ADAM22: variants seen among roughly 807,000 people sequenced by gnomAD.
ADAM22 encodes the protein ADAM metallopeptidase domain 22, also known as disintegrin and metalloproteinase domain-containing protein 22.
A neutral mutation model predicts 144.6 loss-of-function variants in ADAM22; 65 were observed. The observed-to-expected ratio is 0.45, with a 90% CI of 0.37 to 0.55. ADAM22 has a LOEUF of 0.55. ADAM22 is among the 20% of genes least tolerant of loss of function. The pLI is 0.00. For missense variants in ADAM22, 974 were observed against 1,184.9 expected (o/e 0.82, Z 2.61); for synonymous variants, 391 against 412.6 (o/e 0.95, Z 0.63).
intron 3 of ADAM22, among the ~76,000 whole-genome samples, chr7:87,983,708 C>CT (rs528332544): frequency 2.9e-4 from 44 of 151,030 alleles, no homozygotes; most frequent in South Asian, 1.3e-3. Flanking sequence ...GCATTTTTAT[C>CT]TTTTTTTTTG....
At chr7:88,190,537 AAAAAT>A (rs545615522) in intron 30 of ADAM22, among the ~76,000 whole-genome samples, 2 of 152,124 alleles carry the variant, frequency 1.3e-5, no homozygotes, top group Non-Finnish European at 2.9e-5. Flanking sequence ...CTCCATCTCA[AAAAAT>A]AAAATAAAAT....
In ADAM22 at chr7:88,060,766, C is replaced by CAA. The variant is rs72497035; in HGVS notation, c.324-14846_324-14845dup. On this transcript the variant is annotated intron_variant, in intron 3 of 31. Transcript: ENST00000413139. ...TGGGCGACAGAATGAGACTCCATCT[C>CAA]AAAAAAAAAAAAAAACAAAAAACAC... Among the ~76,000 whole-genome samples, 572 of 76,314 alleles carry CAA rather than the reference C, an allele frequency of 7.5e-3. 12 individuals carry two copies. The highest frequency in any genetic ancestry group is 0.025 in the African/African-American group (538 of 21,798). The allele number at this position is 76,314 out of a possible 152,430, so 50.1% of individuals were successfully genotyped here.
At chr7:88,017,107 A>G (rs979799571) in intron 3 of ADAM22, among the ~76,000 whole-genome samples, 1 of 152,216 alleles carries the variant, frequency 6.6e-6, no homozygotes, top group Non-Finnish European at 1.5e-5. Flanking sequence ...TGACAGGCCT[A>G]GGTAACAGAG....
At chr7:88,056,323 A>T (rs1299406818) in intron 3 of ADAM22, among the ~76,000 whole-genome samples, 1 of 152,184 alleles carries the variant, frequency 6.6e-6, no homozygotes, top group African/African-American at 2.4e-5. Context: ...TGAGAAGAAT[A>T]TGTCAGTGAT....
intron 2 of ADAM22, among the ~76,000 whole-genome samples, chr7:87,946,751 A>G (rs570461526): frequency 3.3e-5 from 5 of 152,318 alleles, no homozygotes; most frequent in Admixed American, 1.3e-4. Context: ...AAAAAGACAC[A>G]TGCACTCATG....
intron 2 of ADAM22, among the ~76,000 whole-genome samples, chr7:87,944,823 T>TG (rs1394590153): frequency 2.0e-5 from 3 of 151,360 alleles, no homozygotes; most frequent in African/African-American, 7.3e-5. Flanking sequence ...TGTGTTTTTT[T>TG]TTTTTTTGTT....
At chr7:88,078,759 G>A (rs1284835856) in intron 4 of ADAM22, among the ~76,000 whole-genome samples, 1 of 152,268 alleles carries the variant, frequency 6.6e-6, no homozygotes, top group Non-Finnish European at 1.5e-5. Context: ...GATGGAAGAT[G>A]AAATGAATGA....
intron 4 of ADAM22, among the ~76,000 whole-genome samples, chr7:88,086,953 A>G (rs1307411980): frequency 6.6e-6 from 1 of 152,204 alleles, no homozygotes; most frequent in Non-Finnish European, 1.5e-5. Flanking sequence ...GTATGATGTG[A>G]TAGTCACATA....
intron 2 of ADAM22, among the ~76,000 whole-genome samples, chr7:87,938,489 GATT>G (rs1841808387): frequency 6.6e-6 from 1 of 151,830 alleles, no homozygotes; most frequent in East Asian, 1.9e-4. Context: ...AAAGTGCTGG[GATT>G]ACAAACATGA....
intron 4 of ADAM22, among the ~76,000 whole-genome samples, chr7:88,085,401 A>G (rs867048800): frequency 6.6e-6 from 1 of 152,216 alleles, no homozygotes; most frequent in East Asian, 1.9e-4. Flanking sequence ...TTTGGTAAAG[A>G]ATACATTTTT....
chr7:88,072,327 T>C (rs1428814672), intron 3 of ADAM22, among the ~76,000 whole-genome samples: 1 of 152,206 alleles, frequency 6.6e-6, no homozygotes, highest in Non-Finnish European at 1.5e-5. Context: ...ATTTTATAAT[T>C]CAAAGGGAAA....
At chr7:88,064,105 A>G (rs1810580283) in intron 3 of ADAM22, among the ~76,000 whole-genome samples, 2 of 152,180 alleles carry the variant, frequency 1.3e-5, no homozygotes, top group African/African-American at 2.4e-5. Flanking sequence ...GAGCAGGAGG[A>G]TGGAAGGCCA....
At chr7:88,042,319 AG>A (rs1468217279) in intron 3 of ADAM22, among the ~76,000 whole-genome samples, 1 of 152,002 alleles carries the variant, frequency 6.6e-6, no homozygotes, top group African/African-American at 2.4e-5. Context: ...AGCATCTTGT[AG>A]GGAGGAAAAA....
At chr7:88,009,134 A>T (rs886912507) in intron 3 of ADAM22, among the ~76,000 whole-genome samples, 8 of 152,160 alleles carry the variant, frequency 5.3e-5, no homozygotes, top group Admixed American at 2.0e-4. Context: ...ATTTTATGGC[A>T]TTTCAAGTTT....
chr7:87,967,815 A>AAAAAAAC, intron 2 of ADAM22, among the ~76,000 whole-genome samples: 1 of 150,010 alleles, frequency 6.7e-6, no homozygotes, highest in Non-Finnish European at 1.5e-5. Flanking sequence ...CTCAAAAAAA[A>AAAAAAAC]AAAAAAAAAA....
At chr7:87,958,287 A>G (rs1452211487) in intron 2 of ADAM22, among the ~76,000 whole-genome samples, 1 of 152,198 alleles carries the variant, frequency 6.6e-6, no homozygotes, top group Admixed American at 6.5e-5. Flanking sequence ...TGATACAGCA[A>G]TTTACACTCC....
At position 88,116,948 on chromosome 7, in the gene ADAM22, C is replaced by T. The variant is rs1585879736; in HGVS notation, c.607+134C>T. The T allele has an allele frequency of 6.4e-6, 4 of 627,390 alleles. No homozygotes were observed. The East Asian group carries it at 1.2e-4, about 19-fold the overall frequency. 38.9% of individuals were successfully genotyped at this position (627,390 alleles called of 1,614,324 possible). On this transcript the variant is annotated intron_variant, in intron 7 of 31. Transcript: ENST00000413139. ...GACATTTTTAGAGGGAGAGCCAAGTCACGTCAAGAGGGAGAATAAAATGCA... is the reference window on the plus strand; with the variant it reads ...GACATTTTTAGAGGGAGAGCCAAGTTACGTCAAGAGGGAGAATAAAATGCA...
chr7:88,115,877 C>T (rs1827634667), intron 6 of ADAM22, among the ~76,000 whole-genome samples: 1 of 152,138 alleles, frequency 6.6e-6, no homozygotes, highest in South Asian at 2.1e-4. Context: ...CATTCATTTC[C>T]CACAAATTAG....
intron 6 of ADAM22, among the ~76,000 whole-genome samples, chr7:88,115,237 CA>C (rs1563249832): frequency 6.6e-6 from 1 of 152,084 alleles, no homozygotes; most frequent in Non-Finnish European, 1.5e-5. Context: ...AACAAACAAA[CA>C]AAAAATTTCT....
Sources: gnomAD v4.1 joint callset for allele counts (sites outside exome capture counted in the v4.1 genomes callset) on GRCh38, gnomAD v4.1.1 for gene constraint, MANE v1.5 for transcripts, NCBI Gene and HGNC (gene_info 2026-07-23, HGNC 2026-07-21) for gene names.